The following TFDP2 variants were observed in gnomAD, a reference collection of about 807,000 sequenced individuals.
TFDP2 encodes the protein transcription factor Dp-2 (E2F dimerization partner 2).
Under a neutral mutation model 59.3 loss-of-function variants are expected in TFDP2, and 17 were observed. The observed-to-expected ratio is 0.29, with a 90% confidence interval of 0.20 to 0.43. The LOEUF is 0.43. Among genes scored for constraint, TFDP2 ranks in the 20% least tolerant of loss-of-function variants. The pLI, the probability that TFDP2 is intolerant of heterozygous loss-of-function variation, is 1.00. For missense variants in TFDP2, 391 were observed against 528.8 expected, an observed-to-expected ratio of 0.74 and a Z score of 2.56; for synonymous variants, 180 against 194.7, an observed-to-expected ratio of 0.92 and a Z score of 0.63.
intron 1 of TFDP2, among the ~76,000 whole-genome samples, chr3:142,127,129 TAG>T (rs1366679518): frequency 6.7e-6 from 1 of 148,564 alleles, no homozygotes; most frequent in African/African-American, 2.5e-5. Context: ...TCTATATCCC[TAG>T]AGACATACAG....
At chr3:141,970,759 G>C (rs531790324) in intron 8 of TFDP2, among the ~76,000 whole-genome samples, 19 of 152,132 alleles carry the variant, frequency 1.2e-4, no homozygotes, top group Non-Finnish European at 2.4e-4. Context: ...TGATAATACA[G>C]ATATCTCACA....
intron 1 of TFDP2, among the ~76,000 whole-genome samples, chr3:142,139,308 A>AT (rs2062850495): frequency 6.6e-6 from 1 of 151,606 alleles, no homozygotes; most frequent in Non-Finnish European, 1.5e-5. Flanking sequence ...ATGGGTCTTG[A>AT]CTCTTTATCC....
rs978882191 is a variant in TFDP2 at position 141,944,811 on chromosome 3, T to G, written c.*7702A>C. The G allele has an allele frequency of 6.6e-6, 1 of 152,232 alleles. No homozygotes were observed. The highest frequency in any genetic ancestry group is 2.4e-5 in the African/African-American group (1 of 41,458). The allele number at this position is 152,232 out of a possible 1,614,324, so 9.4% of individuals were successfully genotyped here. A position where few individuals can be genotyped will look rare whatever the true frequency, so the allele number is the denominator to read the frequency against. On this transcript the variant is annotated 3_prime_UTR_variant, in exon 13 of 13. Coordinates refer to ENST00000489671, the MANE Select transcript of TFDP2 (RefSeq NM_001178139.2). Reference sequence around the variant, plus strand: ...GTAATTACGTATACAGAAATAGCTCTTCTATAAAATTTCCATATAAAAATA... The same window carrying G: ...GTAATTACGTATACAGAAATAGCTCGTCTATAAAATTTCCATATAAAAATA...
At chr3:142,102,474 G>C (rs183256573) in intron 1 of TFDP2, among the ~76,000 whole-genome samples, 2 of 152,106 alleles carry the variant, frequency 1.3e-5, no homozygotes, top group African/African-American at 4.8e-5. Flanking sequence ...GCAGTAGAAC[G>C]CCAACTAATA....
At chr3:142,046,221 C>G (rs1035880195) in intron 3 of TFDP2, among the ~76,000 whole-genome samples, 1 of 152,184 alleles carries the variant, frequency 6.6e-6, no homozygotes, top group Non-Finnish European at 1.5e-5. Flanking sequence ...TACTTTGAAA[C>G]AGAATATAGT....
intron 3 of TFDP2, among the ~76,000 whole-genome samples, chr3:142,026,075 G>A (rs564006055): frequency 1.6e-4 from 25 of 152,304 alleles, no homozygotes; most frequent in African/African-American, 6.0e-4. Flanking sequence ...ACTCTGGGAG[G>A]CCGAGGTAGG....
chr3:142,110,897 G>T (rs2061633643), intron 1 of TFDP2, among the ~76,000 whole-genome samples: 1 of 151,432 alleles, frequency 6.6e-6, no homozygotes, highest in Non-Finnish European at 1.5e-5. Flanking sequence ...AGGCTGCAGT[G>T]AGCCATGATC....
At chr3:142,069,208 G>A (rs1017226888) in intron 3 of TFDP2, among the ~76,000 whole-genome samples, 10 of 152,096 alleles carry the variant, frequency 6.6e-5, no homozygotes, top group South Asian at 2.1e-4. Flanking sequence ...GACACCGCGC[G>A]CGGTTTCTTT....
At chr3:142,136,092 G>A (rs932247691) in intron 1 of TFDP2, among the ~76,000 whole-genome samples, 4 of 151,918 alleles carry the variant, frequency 2.6e-5, no homozygotes, top group Admixed American at 2.0e-4. Context: ...AATTATCGCT[G>A]TTCTGACTGG....
chr3:141,991,670 G>C (rs1426887010), intron 6 of TFDP2, among the ~76,000 whole-genome samples: 1 of 152,046 alleles, frequency 6.6e-6, no homozygotes, highest in African/African-American at 2.4e-5. Flanking sequence ...AATCACTTGA[G>C]CCTGGGAGGC....
Position 141,978,549 on chromosome 3 carries a change from T to C in TFDP2, c.490A>G (p.Asn164Asp), listed in dbSNP as rs1941067141. The change falls in exon 7 of 13, where the codon AAT (asparagine) becomes GAT (aspartate). Residue 164 changes from asparagine to aspartate, a missense_variant. Physicochemically the swap from Asn to Asp is conservative, Grantham distance 23. Coordinates refer to ENST00000489671, the MANE Select transcript of TFDP2 (RefSeq NM_001178139.2). ...VADELVSEFT[N>D]SNNHLAADSA... ...TCAGCAGCCAAATGGTTATTTGAATTGGTGAACTCTGACACCAGCTCATCA... is the reference window on the plus strand; with the variant it reads ...TCAGCAGCCAAATGGTTATTTGAATCGGTGAACTCTGACACCAGCTCATCA... The C allele has an allele frequency of 3.7e-6, 6 of 1,610,528 alleles. No individual in the cohort carries two copies. In the East Asian group the frequency reaches 1.3e-4, roughly 36 times the overall value.
chr3:141,964,179 A>C (rs1467465661), intron 9 of TFDP2, among the ~76,000 whole-genome samples: 1 of 152,154 alleles, frequency 6.6e-6, no homozygotes, highest in African/African-American at 2.4e-5. Flanking sequence ...AGGACCTCAC[A>C]ATCTGGGAAA....
At position 142,033,897 on chromosome 3, in the gene TFDP2, C is replaced by A. The variant is rs950647645; in HGVS notation, c.83-28353G>T. 3.3e-5 allele frequency among the ~76,000 whole-genome samples: 5 copies of A among 152,266 alleles called. No homozygotes were observed. The South Asian group carries it at 1.0e-3, about 32-fold the overall frequency. ...CTTTTGTAGGCAACAAGGGCTTTAGCTTTCAAACTTACTTCCCTCTTCAGA... is the reference window on the plus strand; with the variant it reads ...CTTTTGTAGGCAACAAGGGCTTTAGATTTCAAACTTACTTCCCTCTTCAGA... On this transcript the variant is annotated intron_variant, in intron 3 of 12. Transcript: ENST00000489671.
At chr3:141,969,176 ATC>A (rs1311177974) in intron 9 of TFDP2, among the ~76,000 whole-genome samples, 2 of 99,506 alleles carry the variant, frequency 2.0e-5, no homozygotes, top group African/African-American at 8.9e-5. Context: ...ATATATATAT[ATC>A]TCATATATAT....
intron 3 of TFDP2, among the ~76,000 whole-genome samples, chr3:142,045,058 T>C (rs1321767966): frequency 1.3e-5 from 2 of 152,118 alleles, no homozygotes; most frequent in Non-Finnish European, 2.9e-5. Flanking sequence ...GAAAATACCA[T>C]CTAATATTGT....
At chr3:142,034,127 C>T (rs1307669627) in intron 3 of TFDP2, among the ~76,000 whole-genome samples, 6 of 126,466 alleles carry the variant, frequency 4.7e-5, no homozygotes, top group Non-Finnish European at 9.5e-5. Flanking sequence ...CGGAGTTTTG[C>T]TCCTGTTGCC....
At chr3:142,002,693 C>A (rs898939290) in intron 4 of TFDP2, among the ~76,000 whole-genome samples, 1 of 152,140 alleles carries the variant, frequency 6.6e-6, no homozygotes, top group African/African-American at 2.4e-5. Context: ...CTTTTTCCAG[C>A]CTGTTCCTCT....
intron 1 of TFDP2, among the ~76,000 whole-genome samples, chr3:142,126,642 C>G (rs1404318986): frequency 6.6e-6 from 1 of 151,950 alleles, no homozygotes; most frequent in Admixed American, 6.6e-5. Context: ...CTATCCATCC[C>G]TTCTTGAAAT....
intron 3 of TFDP2, among the ~76,000 whole-genome samples, chr3:142,011,593 A>AG (rs1944698268): frequency 6.7e-6 from 1 of 148,936 alleles, no homozygotes; most frequent in Non-Finnish European, 1.5e-5. Context: ...AGTATAATAA[A>AG]AAAAAAAAGA....
Sources: allele counts gnomAD v4.1 joint callset (sites outside exome capture counted in the v4.1 genomes callset), GRCh38; gene constraint gnomAD v4.1.1; transcripts MANE v1.5; gene names NCBI Gene and HGNC (gene_info 2026-07-23, HGNC 2026-07-21).